MECOM: variants seen among roughly 807,000 people sequenced by gnomAD.
MECOM encodes MDS1 and EVI1 complex locus.
Under a neutral mutation model 116.3 loss-of-function variants are expected in MECOM, and 13 were observed. The observed-to-expected ratio is 0.11, with a 90% confidence interval of 0.07 to 0.18. The LOEUF (loss-of-function observed/expected upper bound fraction) is 0.18, where lower values mean the gene tolerates loss of function less well. MECOM is among the 10% of genes least tolerant of loss of function. The pLI, the probability that MECOM is intolerant of heterozygous loss-of-function variation, is 1.00. For synonymous variants in MECOM, 528 were observed against 535.2 expected (o/e 0.99, Z 0.19); for missense variants, 1,299 against 1,509.0 (o/e 0.86, Z 2.31).
intron 2 of MECOM, among the ~76,000 whole-genome samples, chr3:169,312,036 C>T (rs1328063787): frequency 6.6e-6 from 1 of 152,172 alleles, no homozygotes; most frequent in African/African-American, 2.4e-5. Context: ...GCCCAGACCA[C>T]GCGGGGCTTT....
rs536550056 is a variant in MECOM, at chr3:169,370,666, T to G, written c.375+10521A>C. ...TATCCAAAAATATATAAGGAACTCA[T>G]GCAACTCAATAGCAAAAAACATTAA... On this transcript the variant is annotated intron_variant, in intron 2 of 16. Transcript: ENST00000651503. Among the ~76,000 whole-genome samples, 4 of 151,972 alleles carry G rather than the reference T, an allele frequency of 2.6e-5. No individual in the cohort carries two copies. The East Asian group carries it at 7.8e-4, about 30-fold the overall frequency.
chr3:169,408,673 G>A (rs1737091814), intron 1 of MECOM, among the ~76,000 whole-genome samples: 1 of 152,072 alleles, frequency 6.6e-6, no homozygotes, highest in Non-Finnish European at 1.5e-5. Flanking sequence ...CCTTTCCCAT[G>A]AAGACTACAG....
intron 2 of MECOM, among the ~76,000 whole-genome samples, chr3:169,315,990 C>T (rs1389698943): frequency 6.6e-6 from 1 of 152,060 alleles, no homozygotes; most frequent in Non-Finnish European, 1.5e-5. Flanking sequence ...AATTATTTTA[C>T]CAACATATTC....
At chr3:169,575,996 T>C (rs1474461276) in intron 1 of MECOM, among the ~76,000 whole-genome samples, 1 of 152,208 alleles carries the variant, frequency 6.6e-6, no homozygotes, top group Non-Finnish European at 1.5e-5. Context: ...GGTGCCTGTA[T>C]ACCCATTTCT....
chr3:169,604,561 G>A (rs1015226448), intron 1 of MECOM, among the ~76,000 whole-genome samples: 1 of 152,200 alleles, frequency 6.6e-6, no homozygotes, highest in African/African-American at 2.4e-5. Flanking sequence ...GAAGAGCTGG[G>A]AGATCATGGG....
intron 1 of MECOM, among the ~76,000 whole-genome samples, chr3:169,466,688 T>A (rs971879306): frequency 3.3e-5 from 5 of 152,122 alleles, no homozygotes; most frequent in Non-Finnish European, 7.4e-5. Flanking sequence ...TGTGGCTCTT[T>A]CCTGAAAATG....
chr3:169,560,460 T>C (rs1181794606), intron 1 of MECOM, among the ~76,000 whole-genome samples: 1 of 152,150 alleles, frequency 6.6e-6, no homozygotes, highest in East Asian at 1.9e-4. Flanking sequence ...TATTTAACAA[T>C]GCATTTTACT....
intron 1 of MECOM, among the ~76,000 whole-genome samples, chr3:169,479,177 C>T (rs182140907): frequency 3.3e-5 from 5 of 152,058 alleles, no homozygotes; most frequent in African/African-American, 1.2e-4. Flanking sequence ...AAGCTTTTGA[C>T]CAGCAAATCT....
At chr3:169,307,838 C>G (rs1023556302) in intron 2 of MECOM, among the ~76,000 whole-genome samples, 2 of 152,100 alleles carry the variant, frequency 1.3e-5, no homozygotes, top group African/African-American at 4.8e-5. Flanking sequence ...GAATACGACC[C>G]AAACATCTTA....
At position 169,472,274 on chromosome 3, in the gene MECOM, TA is replaced by T. The variant is rs557333184; in HGVS notation, c.38-90751del. Among the ~76,000 whole-genome samples, 298 of 139,814 alleles carry T rather than the reference TA, an allele frequency of 2.1e-3. 4 individuals are homozygous for T. The South Asian group carries it at 0.044, about 21-fold the overall frequency. The allele number at this position is 139,814 out of a possible 152,430, so 91.7% of individuals were successfully genotyped here. ...ACCCAATGGTGCCTATAATATTGTGTAAAAAAAAAAACAATAATAATAATAT... is the reference window on the plus strand; with the variant it reads ...ACCCAATGGTGCCTATAATATTGTGTAAAAAAAAAACAATAATAATAATAT... On this transcript the variant is annotated intron_variant, in intron 1 of 16. Coordinates refer to ENST00000651503, the MANE Select transcript of MECOM (RefSeq NM_004991.4).
At chr3:169,294,156 T>G (rs1715142938) in intron 2 of MECOM, among the ~76,000 whole-genome samples, 1 of 152,068 alleles carries the variant, frequency 6.6e-6, no homozygotes, top group African/African-American at 2.4e-5. Flanking sequence ...ATTAGTGAGT[T>G]TTTTTTTAAG....
At chr3:169,413,063 C>T in intron 1 of MECOM, among the ~76,000 whole-genome samples, 1 of 152,208 alleles carries the variant, frequency 6.6e-6, no homozygotes, top group East Asian at 1.9e-4. Context: ...GATTCCTGGG[C>T]AAGATGGCCG....
At position 169,322,221 on chromosome 3, in the gene MECOM, G is replaced by A. The variant is rs143289372; in HGVS notation, c.375+58966C>T. On this transcript the variant is annotated intron_variant, in intron 2 of 16. Coordinates refer to ENST00000651503, the MANE Select transcript of MECOM (RefSeq NM_004991.4). ...GTACTGAGAGTATTTCTAACCCCACGATGTTATCTAGACCCAAATATTTTT... is the reference window on the plus strand; with the variant it reads ...GTACTGAGAGTATTTCTAACCCCACAATGTTATCTAGACCCAAATATTTTT... 4.6e-3 allele frequency among the ~76,000 whole-genome samples: 707 copies of A among 152,132 alleles called. 5 individuals are homozygous for A. Among genetic ancestry groups the A allele is most frequent in the African/African-American group, 0.016 (654 of 41,492 alleles).
intron 2 of MECOM, among the ~76,000 whole-genome samples, chr3:169,191,076 G>T (rs773410260): frequency 2.8e-4 from 43 of 151,996 alleles, no homozygotes; most frequent in African/African-American, 9.2e-4. Flanking sequence ...CCCTACTGCA[G>T]ATTCCTGGAA....
intron 1 of MECOM, among the ~76,000 whole-genome samples, chr3:169,624,339 T>C (rs1771099380): frequency 6.6e-6 from 1 of 152,248 alleles, no homozygotes; most frequent in South Asian, 2.1e-4. Flanking sequence ...TCTACCAGCA[T>C]GACACACTGC....
At chr3:169,417,347 A>G (rs1280255928) in intron 1 of MECOM, among the ~76,000 whole-genome samples, 13 of 151,422 alleles carry the variant, frequency 8.6e-5, no homozygotes, top group Admixed American at 8.6e-4. Flanking sequence ...GCCAAAAAAC[A>G]CATGAAAAAA....
intron 2 of MECOM, among the ~76,000 whole-genome samples, chr3:169,176,870 C>G (rs1373089436): frequency 6.6e-6 from 1 of 152,096 alleles, no homozygotes; most frequent in Non-Finnish European, 1.5e-5. Flanking sequence ...AAAAAAAGCT[C>G]AACATCACTG....
In MECOM at chr3:169,084,964, C is replaced by T; in HGVS notation, c.3665G>A (p.Ser1222Asn). 1 of 1,614,138 alleles carries T rather than the reference C, an allele frequency of 6.2e-7. No individual in the cohort carries two copies. Among genetic ancestry groups the T allele is most frequent in the Non-Finnish European group, 8.5e-7 (1 of 1,180,004 alleles). The change falls in exon 17 of 17, where the codon AGT (serine) becomes AAT (asparagine). Residue 1222 changes from serine (S) to asparagine (N), a missense_variant. By Grantham distance (46) the Ser-to-Asn change is conservative. Around this residue, in one of 6 missense-constraint regions of MECOM, gnomAD observed 273 missense variants for 289.3 expected, o/e 0.94. Transcript: ENST00000651503. ...TSHSSSNVWH[S>N]MARAAAESSA... is the part of the protein sequence containing the mutation. ...GGATTCCGCCGCAGCCCTGGCCATA[C>T]TGTGCCACACGTTGGAAGAACTGTG...
chr3:169,120,521 T>C (rs1160769412), intron 7 of MECOM, among the ~76,000 whole-genome samples: 4 of 152,150 alleles, frequency 2.6e-5, no homozygotes, highest in Admixed American at 6.5e-5. Context: ...GAACTACAGA[T>C]CCGACAGCCT....
Sources: allele counts gnomAD v4.1 joint callset (sites outside exome capture counted in the v4.1 genomes callset), GRCh38; gene constraint gnomAD v4.1.1; regional missense constraint gnomAD v4.1.1; transcripts MANE v1.5; gene names NCBI Gene and HGNC (gene_info 2026-07-23, HGNC 2026-07-21).